Variants in TMEM242 observed in about 807,000 individuals in gnomAD.
TMEM242 encodes the protein transmembrane protein 242.
A neutral mutation model predicts 18.2 loss-of-function variants in TMEM242; 10 were observed. The observed-to-expected ratio is 0.55, with a 90% confidence interval of 0.34 to 0.93. The LOEUF is 0.93. Among genes scored for constraint, TMEM242 ranks in the 40% least tolerant of loss-of-function variants. The pLI is 0.02. For synonymous variants in TMEM242, 57 were observed against 69.9 expected, an observed-to-expected ratio of 0.81 and a Z score of 0.92; for missense variants, 186 against 175.5, an observed-to-expected ratio of 1.06 and a Z score of -0.34.
chr6:157,312,038 C>CTA (rs1562384033), intron 3 of TMEM242, among the ~76,000 whole-genome samples: 5 of 57,190 alleles, frequency 8.7e-5, no homozygotes, highest in Non-Finnish European at 1.0e-4. Context: ...GTGCACTCAA[C>CTA]CGGCCTCATC....
At chr6:157,309,250 CT>C (rs1340865442) in intron 3 of TMEM242, among the ~76,000 whole-genome samples, 1 of 151,862 alleles carries the variant, frequency 6.6e-6, no homozygotes, top group Non-Finnish European at 1.5e-5. Flanking sequence ...AGTAGGATTT[CT>C]GGTGATTTTT....
At chr6:157,312,088 G>GTC (rs1778152352) in intron 3 of TMEM242, among the ~76,000 whole-genome samples, 1 of 105,546 alleles carries the variant, frequency 9.5e-6, no homozygotes, top group Non-Finnish European at 1.9e-5. Flanking sequence ...TCAACATAGT[G>GTC]CCCTAGTGTC....
In TMEM242 at chr6:157,305,509, C is replaced by T. The variant is rs1270068200; in HGVS notation, c.328-12510G>A. Among the ~76,000 whole-genome samples the T allele has an allele frequency of 2.0e-5, 3 of 152,126 alleles. No individual in the cohort carries two copies. The highest frequency in any genetic ancestry group is 4.4e-5 in the Non-Finnish European group (3 of 68,036). On this transcript the variant is annotated intron_variant, in intron 3 of 3. Transcript: ENST00000400788. The surrounding 1 kb of genome is among the most constrained non-coding windows in gnomAD (Gnocchi z 4.1). The stretch of plus-strand genomic sequence containing the variant: ...CACAATATGAAGCAGAGACGCCGAT[C>T]TGAAGGTCAGGGCTGGGGCTATGTA...
intron 3 of TMEM242, among the ~76,000 whole-genome samples, chr6:157,313,578 T>C (rs112635746): frequency 0.021 from 1,097 of 51,040 alleles, 2 homozygotes; most frequent in African/African-American, 0.061. Context: ...CATCATAGTG[T>C]CCCAGTGTGC....
In TMEM242 at chr6:157,322,763, G is replaced by A; in HGVS notation, c.131C>T (p.Ala44Val). ...LGTVAAAGML[A>V]GFITTLSLAK... ...CAATGATAATGTTGTAATAAATCCAGCTAGCATTCCCGCTGCAGCAACGGT... is the reference window on the plus strand; with the variant it reads ...CAATGATAATGTTGTAATAAATCCAACTAGCATTCCCGCTGCAGCAACGGT... Residue 44 changes from alanine (A) to valine (V), a missense_variant, in exon 2 of 4, where the codon GCT (alanine) becomes GTT (valine). Ala to Val is a moderately conservative substitution (Grantham distance 64). Coordinates refer to ENST00000400788, the MANE Select transcript of TMEM242 (RefSeq NM_018452.6). 1 of 1,613,914 alleles carries A rather than the reference G, an allele frequency of 6.2e-7. No individual in the cohort carries two copies. Among genetic ancestry groups the A allele is most frequent in the Non-Finnish European group, 8.5e-7 (1 of 1,179,920 alleles).
intron 3 of TMEM242, among the ~76,000 whole-genome samples, chr6:157,310,530 T>C (rs1583562477): frequency 7.9e-5 from 5 of 63,288 alleles, no homozygotes; most frequent in East Asian, 4.3e-4. Context: ...GGCCTCATCA[T>C]GGTATCCCAG....
intron 3 of TMEM242, among the ~76,000 whole-genome samples, chr6:157,313,465 T>C (rs1778276685): frequency 6.6e-6 from 1 of 151,488 alleles, no homozygotes; most frequent in Non-Finnish European, 1.5e-5. Flanking sequence ...TCACCTGGCC[T>C]CATCATAGTG....
At chr6:157,298,056 C>T (rs1341420202) in intron 3 of TMEM242, among the ~76,000 whole-genome samples, 1 of 152,126 alleles carries the variant, frequency 6.6e-6, no homozygotes, top group Non-Finnish European at 1.5e-5. Context: ...TCAAAATGGC[C>T]AATTTTTATG....
chr6:157,310,510 A>T (rs62424348), intron 3 of TMEM242, among the ~76,000 whole-genome samples: 32 of 7,536 alleles, frequency 4.2e-3, no homozygotes, highest in African/African-American at 0.017. Flanking sequence ...GTCCCAGTGT[A>T]CACTCACCTG....
At chr6:157,313,355 C>G (rs1554249721) in intron 3 of TMEM242, among the ~76,000 whole-genome samples, 20 of 148,976 alleles carry the variant, frequency 1.3e-4, no homozygotes, top group Middle Eastern at 3.5e-3. Flanking sequence ...AGTGTGCGCT[C>G]ACCTGGCCTC....
chr6:157,320,773 G>T (rs1285409145), intron 2 of TMEM242, among the ~76,000 whole-genome samples: 1 of 152,164 alleles, frequency 6.6e-6, no homozygotes, highest in Non-Finnish European at 1.5e-5. Flanking sequence ...ATTTTCACTT[G>T]AAAGCTTGAA....
chr6:157,315,545 CTCTT>C (rs1413732592), intron 3 of TMEM242, among the ~76,000 whole-genome samples: 3 of 152,280 alleles, frequency 2.0e-5, no homozygotes, highest in South Asian at 2.1e-4. Flanking sequence ...GTCAGGAACT[CTCTT>C]TCTTTGTGGT....
chr6:157,309,922 T>C (rs587681905), intron 3 of TMEM242, among the ~76,000 whole-genome samples: 36 of 152,306 alleles, frequency 2.4e-4, no homozygotes, highest in African/African-American at 8.7e-4. Context: ...ATGCATTCTC[T>C]AGAGGCCCCA....
Position 157,292,925 on chromosome 6 carries a change from C to A in TMEM242, c.402G>T (p.Trp134Cys). Residue 134 changes from tryptophan (W) to cysteine (C), a missense_variant, in exon 4 of 4, where the codon TGG (tryptophan) becomes TGT (cysteine). Transcript: ENST00000400788. ...CTCATTTGGATTTCAATGTTTCCTC[C>A]CACTCAACAGCCGATTCGGAGTTCT... ...IPKNSESAVEWEETLKSK is the reference protein window; with the variant it reads ...IPKNSESAVECEETLKSK The A allele has an allele frequency of 6.2e-7, 1 of 1,613,368 alleles. No individual in the cohort carries two copies. The highest frequency in any genetic ancestry group is 8.5e-7 in the Non-Finnish European group (1 of 1,179,458).
In TMEM242 at chr6:157,305,954, G is replaced by A. The variant is rs1004546122; in HGVS notation, c.327+12828C>T. Among the ~76,000 whole-genome samples the A allele has an allele frequency of 6.6e-6, 1 of 152,210 alleles. No individual in the cohort carries two copies. Among genetic ancestry groups the A allele is most frequent in the Non-Finnish European group, 1.5e-5 (1 of 68,032 alleles). On this transcript the variant is annotated intron_variant, in intron 3 of 3. Coordinates refer to ENST00000400788, the MANE Select transcript of TMEM242 (RefSeq NM_018452.6). The surrounding 1 kb of genome is among the most constrained non-coding windows in gnomAD (Gnocchi z 4.1). ...TTTCGGGAAGCTTTTTGTGTAAAGGGGAGCAGATAAATGGGCTGGTAGCTG... is the reference window on the plus strand; with the variant it reads ...TTTCGGGAAGCTTTTTGTGTAAAGGAGAGCAGATAAATGGGCTGGTAGCTG...
intron 3 of TMEM242, among the ~76,000 whole-genome samples, chr6:157,312,735 T>C (rs1270078540): frequency 1.6e-5 from 1 of 61,906 alleles, no homozygotes; most frequent in Non-Finnish European, 3.4e-5. Context: ...ACTGTCCCAG[T>C]GTGCGCTCAC....
chr6:157,305,422 T>C lies in TMEM242; in HGVS notation c.328-12423A>G, dbSNP rs1562380348. On this transcript the variant is annotated intron_variant, in intron 3 of 3. Coordinates refer to ENST00000400788, the MANE Select transcript of TMEM242 (RefSeq NM_018452.6). The surrounding 1 kb of genome is among the most constrained non-coding windows in gnomAD (Gnocchi z 4.1). ...TTGGGAATAAAGTGAGGAAATCAAG[T>C]GCTCTAGTTGGGACATGGGTCATGT... Among the ~76,000 whole-genome samples, 1 of 151,930 alleles carries C rather than the reference T, an allele frequency of 6.6e-6. No individual in the cohort carries two copies. The highest frequency in any genetic ancestry group is 1.9e-4 in the East Asian group (1 of 5,154).
intron 3 of TMEM242, among the ~76,000 whole-genome samples, chr6:157,316,267 A>T (rs1778388595): frequency 6.6e-6 from 1 of 152,202 alleles, no homozygotes; most frequent in Non-Finnish European, 1.5e-5. Context: ...CCTGGGTTTA[A>T]ATCTTGACAC....
intron 3 of TMEM242, among the ~76,000 whole-genome samples, chr6:157,317,654 C>T (rs1778413546): frequency 6.6e-6 from 1 of 152,162 alleles, no homozygotes; most frequent in Non-Finnish European, 1.5e-5. Context: ...TAACTGCTTA[C>T]TTGCTCTCCA....
Sources: allele counts gnomAD v4.1 joint callset (sites outside exome capture counted in the v4.1 genomes callset), GRCh38; gene constraint gnomAD v4.1.1; non-coding constraint Gnocchi (gnomAD v3.1); transcripts MANE v1.5; gene names NCBI Gene and HGNC (gene_info 2026-07-23, HGNC 2026-07-21).